Variants in KHDRBS2 observed in about 807,000 individuals in gnomAD.
The protein encoded by KHDRBS2 is KH domain-containing, RNA-binding, signal transduction-associated protein 2.
KHDRBS2 carries 26 observed loss-of-function variants against 44.3 expected under a neutral mutation model. That is an observed-to-expected ratio of 0.59 (90% confidence interval 0.43 to 0.81). The LOEUF (loss-of-function observed/expected upper bound fraction) is 0.81. Among genes scored for constraint, KHDRBS2 ranks in the 40% least tolerant of loss-of-function variants. The pLI is 0.00. For synonymous variants in KHDRBS2, 194 were observed against 151.1 expected (o/e 1.28, Z -2.08); for missense variants, 476 against 433.1 (o/e 1.10, Z -0.88).
the KHDRBS2 span, among the ~76,000 whole-genome samples, chr6:61,667,822 G>A: frequency 6.6e-6 from 1 of 151,168 alleles, no homozygotes; most frequent in Non-Finnish European, 1.5e-5. Flanking sequence ...TTTCTTGGGT[G>A]ATACAATGAA....
At chr6:62,000,333 A>T (rs1244060186) in intron 3 of KHDRBS2, among the ~76,000 whole-genome samples, 1 of 152,172 alleles carries the variant, frequency 6.6e-6, no homozygotes, top group Non-Finnish European at 1.5e-5. Flanking sequence ...TTCCTGCTAA[A>T]CTCAAATGTA....
At chr6:61,948,040 C>A (rs1419435828) in intron 4 of KHDRBS2, among the ~76,000 whole-genome samples, 15 of 151,548 alleles carry the variant, frequency 9.9e-5, no homozygotes, top group African/African-American at 3.4e-4. Flanking sequence ...AAAGGGAAGG[C>A]AATTTGCTAA....
At chr6:61,552,495 G>T in the KHDRBS2 span, among the ~76,000 whole-genome samples, 1 of 152,146 alleles carries the variant, frequency 6.6e-6, no homozygotes, top group South Asian at 2.1e-4. Flanking sequence ...CTACTTGGAT[G>T]TGTTTTATTT....
chr6:62,245,949 T>C (rs987714985), intron 1 of KHDRBS2, among the ~76,000 whole-genome samples: 2 of 151,734 alleles, frequency 1.3e-5, no homozygotes, highest in East Asian at 3.9e-4. Flanking sequence ...CAAATAAACA[T>C]CTGGACCTCA....
At chr6:61,778,440 T>A (rs1019514094) in intron 6 of KHDRBS2, among the ~76,000 whole-genome samples, 1 of 152,058 alleles carries the variant, frequency 6.6e-6, no homozygotes, top group African/African-American at 2.4e-5. Flanking sequence ...AACATAAAAC[T>A]GGCTTATCTC....
In KHDRBS2 at chr6:62,246,583, G is replaced by A. The variant is rs114683207; in HGVS notation, c.91+39275C>T. On this transcript the variant is annotated intron_variant, in intron 1 of 8. Transcript: ENST00000281156. The stretch of plus-strand genomic sequence containing the variant: ...GAACCTTTCAGTGCATAGTACATAG[G>A]ACATTTAATCAAAGTCAACTTTAGG... Among the ~76,000 whole-genome samples the A allele has an allele frequency of 2.5e-3, 380 of 152,052 alleles. 3 individuals carry two copies. Among genetic ancestry groups the A allele is most frequent in the African/African-American group, 8.4e-3 (348 of 41,528 alleles).
At chr6:61,933,533 A>G (rs1372064386) in intron 4 of KHDRBS2, among the ~76,000 whole-genome samples, 3 of 152,164 alleles carry the variant, frequency 2.0e-5, no homozygotes, top group African/African-American at 7.2e-5. Flanking sequence ...AGGTGGTTTC[A>G]TCACTATCCA....
At chr6:62,041,059 G>T (rs114640862) in intron 3 of KHDRBS2, among the ~76,000 whole-genome samples, 2 of 152,018 alleles carry the variant, frequency 1.3e-5, no homozygotes, top group African/African-American at 4.8e-5. Flanking sequence ...GGCCAAGCAC[G>T]GTGGCTCACA....
intron 6 of KHDRBS2, among the ~76,000 whole-genome samples, chr6:61,791,464 C>T (rs1376885960): frequency 6.6e-6 from 1 of 151,294 alleles, no homozygotes; most frequent in African/African-American, 2.4e-5. Flanking sequence ...TTTTCATAGC[C>T]ATTTGAATTT....
chr6:61,809,436 C>T (rs551570365), intron 6 of KHDRBS2, among the ~76,000 whole-genome samples: 2 of 152,136 alleles, frequency 1.3e-5, no homozygotes, highest in South Asian at 2.1e-4. Context: ...GATATTACTG[C>T]ACACAAGCCT....
At chr6:61,557,912 C>A in the KHDRBS2 span, among the ~76,000 whole-genome samples, 1 of 152,062 alleles carries the variant, frequency 6.6e-6, no homozygotes, top group East Asian at 1.9e-4. Context: ...TCTAGATTTT[C>A]CAGTTTATTG....
At chr6:62,050,429 TA>T (rs34093577) in intron 2 of KHDRBS2, among the ~76,000 whole-genome samples, 85,438 of 146,688 alleles carry the variant, frequency 0.58, 24,849 homozygotes, top group Non-Finnish European at 0.61. Flanking sequence ...AACTTAAAGT[TA>T]AAAAAAAAAA....
the KHDRBS2 span, among the ~76,000 whole-genome samples, chr6:61,606,107 T>C: frequency 4.4e-3 from 666 of 152,258 alleles, 6 homozygotes; most frequent in African/African-American, 0.015. Context: ...CAACCCCCTT[T>C]GACTGTAATT....
chr6:61,779,934 G>GAAAA (rs143770247), intron 6 of KHDRBS2, among the ~76,000 whole-genome samples: 2 of 148,782 alleles, frequency 1.3e-5, no homozygotes. Context: ...TCAAAATACT[G>GAAAA]AAAAAAAAAA....
In KHDRBS2 at chr6:61,894,795, C is replaced by T. The variant is rs1315640637; in HGVS notation, c.650G>A (p.Gly217Glu). 2 of 1,612,400 alleles carry T rather than the reference C, an allele frequency of 1.2e-6. No individual in the cohort carries two copies. Among genetic ancestry groups the T allele is most frequent in the Non-Finnish European group, 1.7e-6 (2 of 1,179,496 alleles). The change falls in exon 6 of 9, where the codon GGA becomes GAA. Residue 217 changes from glycine to glutamate, a missense_variant. Transcript: ENST00000281156. ...GGAIPPPPPP[G>E]RGVLTPRGST... ...TCCCCGAGGGGTGAGAACACCTCGT[C>T]CAGGTGGTGGGGGAGGAGGAATGGC...
At chr6:62,212,129 GCT>G (rs1470885485) in intron 1 of KHDRBS2, among the ~76,000 whole-genome samples, 1 of 152,076 alleles carries the variant, frequency 6.6e-6, no homozygotes, top group African/African-American at 2.4e-5. Flanking sequence ...TAAACTCTGT[GCT>G]CTGTGTGCTG....
intron 6 of KHDRBS2, among the ~76,000 whole-genome samples, chr6:61,829,457 C>A (rs1583050030): frequency 6.6e-6 from 1 of 152,038 alleles, no homozygotes; most frequent in African/African-American, 2.4e-5. Context: ...AGCCACTGCG[C>A]CCTATTGGAT....
intron 2 of KHDRBS2, among the ~76,000 whole-genome samples, chr6:62,058,501 CT>C (rs1455660603): frequency 6.6e-6 from 1 of 151,836 alleles, no homozygotes; most frequent in African/African-American, 2.4e-5. Flanking sequence ...GTGCTCTATC[CT>C]TGTGTTTGTT....
rs550160725 is a variant in KHDRBS2, at chr6:62,000,773, G to T, written c.337-22561C>A. 2.6e-5 allele frequency among the ~76,000 whole-genome samples: 4 copies of T among 152,230 alleles called. No individual in the cohort carries two copies. In the East Asian group the frequency reaches 7.7e-4, roughly 29 times the overall value. On this transcript the variant is annotated intron_variant, in intron 3 of 8. Coordinates refer to ENST00000281156, the MANE Select transcript of KHDRBS2 (RefSeq NM_152688.4). ...CATGAGGTTCTTCCAGAGTAGCTGTGCTGCATGACCTCAGTCAGCATCACA... is the reference window on the plus strand; with the variant it reads ...CATGAGGTTCTTCCAGAGTAGCTGTTCTGCATGACCTCAGTCAGCATCACA...
Sources: gnomAD v4.1 joint callset for allele counts (sites outside exome capture counted in the v4.1 genomes callset) on GRCh38, gnomAD v4.1.1 for gene constraint, MANE v1.5 for transcripts, NCBI Gene and HGNC (gene_info 2026-07-23, HGNC 2026-07-21) for gene names.